CA10: variants seen among roughly 807,000 people sequenced by gnomAD.
CA10 encodes the protein carbonic anhydrase-related protein 10.
A neutral mutation model predicts 44.2 loss-of-function variants in CA10; 14 were observed. That is an observed-to-expected ratio of 0.32 (90% CI 0.21 to 0.50). CA10 has a LOEUF of 0.50. Ranked by LOEUF, CA10 falls within the 20% of genes least tolerant of loss-of-function variation. The pLI is 0.99. For synonymous variants in CA10, 159 were observed against 141.6 expected (o/e 1.12, Z -0.87); for missense variants, 350 against 409.7 (o/e 0.85, Z 1.26).
intron 4 of CA10, among the ~76,000 whole-genome samples, chr17:51,679,400 C>T (rs1914751972): frequency 6.6e-6 from 1 of 151,178 alleles, no homozygotes; most frequent in Non-Finnish European, 1.5e-5. Flanking sequence ...GCTGGGACTA[C>T]AAGTGCCCAC....
intron 3 of CA10, among the ~76,000 whole-genome samples, chr17:51,849,233 G>GTGTATATATATATATATATA (rs1387448675): frequency 5.0e-5 from 2 of 39,904 alleles, no homozygotes; most frequent in Admixed American, 6.5e-4. Flanking sequence ...ATATGTGTGT[G>GTGTATATATATATATATATA]TATATATATA....
At chr17:51,957,687 A>G (rs888003405) in intron 2 of CA10, among the ~76,000 whole-genome samples, 2 of 152,088 alleles carry the variant, frequency 1.3e-5, no homozygotes, top group African/African-American at 4.8e-5. Context: ...AAATAATACA[A>G]CTTAGTTCAA....
At chr17:52,045,543 G>T (rs996055843) in intron 2 of CA10, among the ~76,000 whole-genome samples, 1 of 151,962 alleles carries the variant, frequency 6.6e-6, no homozygotes, top group Non-Finnish European at 1.5e-5. Context: ...GAGCCAAGAG[G>T]AGGGCAATGG....
chr17:51,826,620 A>G (rs572849942), intron 3 of CA10, among the ~76,000 whole-genome samples: 26 of 151,666 alleles, frequency 1.7e-4, no homozygotes, highest in Admixed American at 9.8e-4. Context: ...TCCTGCCTCC[A>G]CTCTTTCCCA....
chr17:51,701,506 G>A (rs1000825103), intron 4 of CA10, among the ~76,000 whole-genome samples: 4 of 151,920 alleles, frequency 2.6e-5, no homozygotes, highest in Admixed American at 1.3e-4. Context: ...TATGTTTCTT[G>A]TTTGTTTACC....
intron 4 of CA10, among the ~76,000 whole-genome samples, chr17:51,692,836 G>A (rs1378822489): frequency 6.6e-6 from 1 of 152,156 alleles, no homozygotes; most frequent in Non-Finnish European, 1.5e-5. Context: ...GAATTGACCA[G>A]TTTCAACTGG....
rs1916168648 is a variant in CA10, at chr17:51,717,649, A to ATATATG, written c.465+29983_465+29984insCATATA. Among the ~76,000 whole-genome samples the ATATATG allele has an allele frequency of 1.4e-4, 6 of 42,344 alleles. 1 individual carries two copies. The highest frequency in any genetic ancestry group is 3.7e-4 in the African/African-American group (6 of 16,132). The allele number at this position is 42,344 out of a possible 152,430, so 27.8% of individuals were successfully genotyped here. On this transcript the variant is annotated intron_variant, in intron 4 of 8. Coordinates refer to ENST00000451037, the MANE Select transcript of CA10 (RefSeq NM_020178.5). ...TGCACATATATGCATGTATATATAC[A>ATATATG]TATATACGTATATATACATGTATAT... is the stretch of plus-strand genomic sequence containing the variant.
intron 4 of CA10, among the ~76,000 whole-genome samples, chr17:51,694,344 C>T (rs1188467128): frequency 2.0e-5 from 3 of 152,084 alleles, no homozygotes; most frequent in Admixed American, 1.3e-4. Context: ...TAATAATAGC[C>T]ATTCTGACTT....
intron 3 of CA10, among the ~76,000 whole-genome samples, chr17:51,918,163 C>G (rs913846766): frequency 6.6e-6 from 1 of 152,194 alleles, no homozygotes; most frequent in African/African-American, 2.4e-5. Context: ...ACCTACCTAG[C>G]AACGATGCAT....
In CA10 at chr17:51,962,066, C is replaced by T. The variant is rs76037093; in HGVS notation, c.137-30934G>A. Among the ~76,000 whole-genome samples the T allele has an allele frequency of 9.4e-3, 1,438 of 152,272 alleles. 22 individuals carry two copies. The highest frequency in any genetic ancestry group is 0.033 in the African/African-American group (1,364 of 41,550). The stretch of plus-strand genomic sequence containing the variant: ...GTGGTGAAGCAGGGCCCTCTCTGCC[C>T]AATGCCCAGGCATATCTCCAGGCAG... On this transcript the variant is annotated intron_variant, in intron 2 of 8. Transcript: ENST00000451037.
intron 3 of CA10, among the ~76,000 whole-genome samples, chr17:51,922,789 A>G (rs925870455): frequency 6.6e-6 from 1 of 152,140 alleles, no homozygotes; most frequent in African/African-American, 2.4e-5. Context: ...TGAAGTTTTC[A>G]TATCCATGTC....
chr17:52,156,819 TG>T (rs548526652), intron 1 of CA10, among the ~76,000 whole-genome samples: 87 of 152,220 alleles, frequency 5.7e-4, no homozygotes, highest in South Asian at 3.3e-3. Flanking sequence ...TGAAGGGAAA[TG>T]GGGTGGGTGC....
intron 3 of CA10, among the ~76,000 whole-genome samples, chr17:51,824,799 T>C (rs1907946088): frequency 1.3e-5 from 2 of 152,272 alleles, no homozygotes; most frequent in South Asian, 2.1e-4. Flanking sequence ...TTGTGTGTTT[T>C]ATCTATATTC....
At chr17:51,660,884 C>T (rs1913980807) in intron 4 of CA10, among the ~76,000 whole-genome samples, 1 of 152,014 alleles carries the variant, frequency 6.6e-6, no homozygotes, top group East Asian at 1.9e-4. Context: ...TGGGCTTCCT[C>T]CTTTCCTAGA....
chr17:52,142,982 T>C (rs2143388655), intron 1 of CA10, among the ~76,000 whole-genome samples: 1 of 152,362 alleles, frequency 6.6e-6, no homozygotes, highest in East Asian at 1.9e-4. Flanking sequence ...AAAATACTTT[T>C]AACATCATTT....
intron 2 of CA10, among the ~76,000 whole-genome samples, chr17:52,035,065 T>A (rs1474466085): frequency 6.6e-6 from 1 of 151,816 alleles, no homozygotes; most frequent in African/African-American, 2.4e-5. Flanking sequence ...AAAGGGTGAG[T>A]CTCTGGTGAA....
intron 2 of CA10, among the ~76,000 whole-genome samples, chr17:51,976,311 T>C (rs1984460100): frequency 6.6e-6 from 1 of 152,148 alleles, no homozygotes. Context: ...TTGACCTAAT[T>C]AAAACATTAC....
At chr17:51,755,961 T>C (rs1034189616) in intron 3 of CA10, among the ~76,000 whole-genome samples, 1 of 152,212 alleles carries the variant, frequency 6.6e-6, no homozygotes, top group Admixed American at 6.5e-5. Flanking sequence ...TTTTTATTTA[T>C]TTACTATTCT....
rs78019917 is a variant in CA10, at chr17:51,684,805, C to T, written c.466-31069G>A. The stretch of plus-strand genomic sequence containing the variant: ...ATAAATGGATTCTTTGATTATATCT[C>T]ACTCCTCCAAAGAGAATTTATAATG... On this transcript the variant is annotated intron_variant, in intron 4 of 8. Transcript: ENST00000451037. 5.5e-4 allele frequency among the ~76,000 whole-genome samples: 84 copies of T among 152,246 alleles called. No individual in the cohort carries two copies. The East Asian group carries it at 0.011, about 20-fold the overall frequency.
Sources: gnomAD v4.1 joint callset for allele counts (sites outside exome capture counted in the v4.1 genomes callset) on GRCh38, gnomAD v4.1.1 for gene constraint, MANE v1.5 for transcripts, NCBI Gene and HGNC (gene_info 2026-07-23, HGNC 2026-07-21) for gene names.